The following AGO4 variants were observed in gnomAD, a reference collection of about 807,000 sequenced individuals.
AGO4 encodes the protein argonaute RISC component 4.
In AGO4, 33 loss-of-function variants were observed where a neutral mutation model predicts 104.7. That is an observed-to-expected ratio of 0.32 (90% CI 0.24 to 0.42). The LOEUF is 0.42. Ranked by LOEUF, AGO4 falls within the 10% of genes least tolerant of loss-of-function variation. The pLI is 1.00. For synonymous variants in AGO4, 331 were observed against 364.7 expected (o/e 0.91, Z 1.05); for missense variants, 711 against 1,083.4 (o/e 0.66, Z 4.83).
chr1:35,841,793 A>T lies in AGO4; in HGVS notation c.2175+43A>T. 1 of 1,517,648 alleles carries T rather than the reference A, an allele frequency of 6.6e-7. No homozygotes were observed. Among genetic ancestry groups the T allele is most frequent in the South Asian group, 1.1e-5 (1 of 87,240 alleles). 94.0% of individuals were successfully genotyped at this position (1,517,648 alleles called of 1,614,324 possible). A position where few individuals can be genotyped will look rare whatever the true frequency, so the allele number is the denominator to read the frequency against. ...AAGCTTTGTTATCTGAGGCTCTGGC[A>T]AGAGATGTATATATGCACATATATA... On this transcript the variant is annotated intron_variant, in intron 15 of 17. Coordinates refer to ENST00000373210, the MANE Select transcript of AGO4 (RefSeq NM_017629.4). This position sits in a 1 kb window ranked among gnomAD's most constrained non-coding sequence, Gnocchi z 4.7.
chr1:35,852,755 A>G (rs1418350568), intron 17 of AGO4, among the ~76,000 whole-genome samples: 1 of 152,256 alleles, frequency 6.6e-6, no homozygotes, highest in Non-Finnish European at 1.5e-5. Flanking sequence ...AGAAAAATAT[A>G]GGATTCTGTT....
At position 35,825,712 on chromosome 1, in the gene AGO4, C is replaced by A. The variant is rs767045147; in HGVS notation, c.522C>A (p.Pro174=). ...CAGTGGGCCGTTCCTTTTTCTCACC[C>A]CCGGAAGGTTACTACCACCCTCTGG... is the stretch of plus-strand genomic sequence containing the variant. ...YTPVGRSFFS[P]PEGYYHPLGG... is the part of the protein sequence containing the mutation. The change falls in exon 5 of 18, where the codon CCC becomes CCA. Residue 174 remains proline (P), a synonymous_variant. Transcript: ENST00000373210. The A allele has an allele frequency of 4.4e-6, 7 of 1,578,638 alleles. No individual in the cohort carries two copies. Among genetic ancestry groups the A allele is most frequent in the Admixed American group, 2.0e-5 (1 of 50,944 alleles).
At chr1:35,819,687 C>T (rs1018142712) in intron 2 of AGO4, among the ~76,000 whole-genome samples, 7 of 136,234 alleles carry the variant, frequency 5.1e-5, no homozygotes, top group Non-Finnish European at 9.1e-5. Context: ...GAGCTGAGAT[C>T]GTGCTACTGC....
intron 11 of AGO4, 78 bp downstream of exon 11, chr1:35,832,648 T>G: frequency 1.3e-6 from 2 of 1,507,598 alleles, no homozygotes; most frequent in Non-Finnish European, 1.8e-6. Context: ...ATGTGCTGTG[T>G]ACACTGGCAC....
chr1:35,851,505 C>T (rs1489052339), intron 17 of AGO4, among the ~76,000 whole-genome samples: 1 of 152,172 alleles, frequency 6.6e-6, no homozygotes, highest in Non-Finnish European at 1.5e-5. Flanking sequence ...AGTGGGGGCA[C>T]AGATGATTCT....
At chr1:35,824,605 C>T (rs1030123505) in intron 3 of AGO4, among the ~76,000 whole-genome samples, 1 of 151,644 alleles carries the variant, frequency 6.6e-6, no homozygotes, top group Admixed American at 6.6e-5. Flanking sequence ...TTGAGACCAG[C>T]CTGAGCAACA....
chr1:35,824,424 T>A (rs1196987220), intron 3 of AGO4, among the ~76,000 whole-genome samples: 3 of 152,124 alleles, frequency 2.0e-5, no homozygotes, highest in South Asian at 2.1e-4. Context: ...TCTTTCCATT[T>A]CTATACATTT....
At chr1:35,833,698 A>G (rs992410235) in intron 11 of AGO4, among the ~76,000 whole-genome samples, 5 of 152,324 alleles carry the variant, frequency 3.3e-5, no homozygotes, top group African/African-American at 7.2e-5. Flanking sequence ...AGATCTTTGA[A>G]CAGCAATGCT....
At chr1:35,825,556 G>A in intron 4 of AGO4, 62 bp downstream of exon 4, 1 of 1,559,082 alleles carries the variant, frequency 6.4e-7, no homozygotes, top group South Asian at 1.2e-5. Flanking sequence ...GGTTGTACTG[G>A]AGCCATTGAA....
In AGO4 at chr1:35,841,244, T is replaced by A; in HGVS notation, c.1804T>A (p.Ser602Thr). 1.2e-6 allele frequency: 2 copies of A among 1,614,074 alleles called. No individual in the cohort carries two copies. Among genetic ancestry groups the A allele is most frequent in the Non-Finnish European group, 1.7e-6 (2 of 1,180,002 alleles). ...HPPAGDGKKP[S>T]IAAVVGSMDG... The stretch of plus-strand genomic sequence containing the variant: ...CCCAGCAGGGGATGGGAAGAAACCT[T>A]CCATTGCTGCTGTGGTTGGCAGTAT... Residue 602 changes from serine (S) to threonine (T), a missense_variant, in exon 14 of 18, where the codon TCC (serine) becomes ACC (threonine). Ser to Thr is a moderately conservative substitution (Grantham distance 58). Coordinates refer to ENST00000373210, the MANE Select transcript of AGO4 (RefSeq NM_017629.4). This position sits in a 1 kb window ranked among gnomAD's most constrained non-coding sequence, Gnocchi z 4.7.
intron 6 of AGO4, among the ~76,000 whole-genome samples, chr1:35,826,361 C>T (rs1644020727): frequency 6.6e-6 from 1 of 152,166 alleles, no homozygotes. Context: ...CACTTAAGAA[C>T]TTCCATTTTA....
At chr1:35,847,076 A>G (rs551456179) in intron 15 of AGO4, among the ~76,000 whole-genome samples, 3 of 150,176 alleles carry the variant, frequency 2.0e-5, no homozygotes, top group Non-Finnish European at 2.9e-5. Context: ...CATATGTTTT[A>G]AAACAGGGGT....
intron 1 of AGO4, among the ~76,000 whole-genome samples, chr1:35,815,170 G>T (rs572699346): frequency 6.6e-6 from 1 of 152,102 alleles, no homozygotes; most frequent in Non-Finnish European, 1.5e-5. Context: ...GAGCCACCAC[G>T]CCTGGCCCAG....
intron 2 of AGO4, among the ~76,000 whole-genome samples, chr1:35,819,326 T>G (rs1304201175): frequency 1.3e-5 from 2 of 151,672 alleles, no homozygotes; most frequent in African/African-American, 4.8e-5. Flanking sequence ...TCGGCTGTGG[T>G]AGCTCGTACC....
intron 15 of AGO4, among the ~76,000 whole-genome samples, chr1:35,848,722 AG>A (rs1356180424): frequency 6.6e-6 from 1 of 152,174 alleles, no homozygotes; most frequent in Non-Finnish European, 1.5e-5. Context: ...GACTAAATAA[AG>A]GTTTTGAGTC....
intron 12 of AGO4, among the ~76,000 whole-genome samples, chr1:35,834,747 G>A (rs1223394476): frequency 6.6e-6 from 1 of 152,194 alleles, no homozygotes; most frequent in Non-Finnish European, 1.5e-5. Flanking sequence ...CCAGGCTGGA[G>A]TGCGGTGTCA....
intron 7 of AGO4, among the ~76,000 whole-genome samples, 153 bp from the exon 8 acceptor site, chr1:35,831,274 A>C (rs1314475033): frequency 6.6e-6 from 1 of 152,002 alleles, no homozygotes; most frequent in Non-Finnish European, 1.5e-5. Context: ...AGGCATGAGA[A>C]TCCATTGAAC....
chr1:35,848,972 G>A (rs1316549323), intron 15 of AGO4, among the ~76,000 whole-genome samples: 1 of 152,188 alleles, frequency 6.6e-6, no homozygotes, highest in Non-Finnish European at 1.5e-5. Context: ...ATAGGTGTAT[G>A]ATCTTCAGCT....
chr1:35,822,278 A>G (rs957997900), intron 2 of AGO4, among the ~76,000 whole-genome samples: 5 of 151,972 alleles, frequency 3.3e-5, no homozygotes, highest in African/African-American at 1.2e-4. Context: ...TTCTTGAGAC[A>G]GAATTTCACT....
Sources: allele counts gnomAD v4.1 joint callset (sites outside exome capture counted in the v4.1 genomes callset), GRCh38; gene constraint gnomAD v4.1.1; non-coding constraint Gnocchi (gnomAD v3.1); transcripts MANE v1.5; gene names NCBI Gene and HGNC (gene_info 2026-07-23, HGNC 2026-07-21).